Variants in S1PR5 observed in about 807,000 individuals in gnomAD.
The protein encoded by S1PR5 is sphingosine-1-phosphate receptor 5.
For missense variants in S1PR5, 583 were observed against 571.7 expected, an observed-to-expected ratio of 1.02 and a Z score of -0.20; for synonymous variants, 307 against 284.7, an observed-to-expected ratio of 1.08 and a Z score of -0.79.
chr19:10,513,897 C>T lies in S1PR5; in HGVS notation c.1115G>A (p.Gly372Glu), dbSNP rs1469373206. 1 of 1,610,524 alleles carries T rather than the reference C, an allele frequency of 6.2e-7. No homozygotes were observed. Among genetic ancestry groups the T allele is most frequent in the South Asian group, 1.1e-5 (1 of 90,944 alleles). ...GCCTGTGGAGCCGCTGGTGTCCAGC[C>T]CGTCGCGCTGGGGCGATGAGCGCTC... ...GSERSSPQRD[G>E]LDTSGSTGSP... The change falls in exon 2 of 2, where the codon GGG becomes GAG. Residue 372 changes from glycine (G) to glutamate (E), a missense_variant. Coordinates refer to ENST00000333430, the MANE Select transcript of S1PR5 (RefSeq NM_030760.5).
chr19:10,517,518 G>A, upstream of S1PR5: 11 of 985,594 alleles, frequency 1.1e-5, no homozygotes, highest in East Asian at 1.1e-4. Context: ...GCAAAGGGCC[G>A]GCGGTCGCCA....
At chr19:10,515,235 C>T (rs1484243005) in intron 1 of S1PR5, among the ~76,000 whole-genome samples, 1 of 152,004 alleles carries the variant, frequency 6.6e-6, no homozygotes, top group African/African-American at 2.4e-5. Context: ...GTGACATAGT[C>T]CCAAAAAAAG....
rs781376350 is a variant in S1PR5 at position 10,514,111 on chromosome 19, G to C, written c.901C>G (p.Leu301Val). ...FLGLAMANSL[L>V]NPIIYTLTNR... ...GTGAGCGTGTAGATGATGGGGTTCAGAAGTGAGTTGGCCATGGCCAGTCCC... is the reference window on the plus strand; with the variant it reads ...GTGAGCGTGTAGATGATGGGGTTCACAAGTGAGTTGGCCATGGCCAGTCCC... The change falls in exon 2 of 2, where the codon CTG becomes GTG. Residue 301 changes from leucine (L) to valine (V), a missense_variant. Transcript: ENST00000333430. 26 of 1,612,810 alleles carry C rather than the reference G, an allele frequency of 1.6e-5. No individual in the cohort carries two copies. Among genetic ancestry groups the C allele is most frequent in the Non-Finnish European group, 8.5e-7 (1 of 1,179,814 alleles).
chr19:10,514,671 C>G lies in S1PR5; in HGVS notation c.341G>C (p.Gly114Ala). The change falls in exon 2 of 2, where the codon GGC becomes GCC. Residue 114 changes from glycine to alanine, a missense_variant. Transcript: ENST00000333430. ...SPALWFAREG[G>A]VFVALTASVL... ...GGACGCAGTGAGTGCCACGAAGACG[C>G]CTCCCTCCCGTGCGAACCAGAGCGC... is the stretch of plus-strand genomic sequence containing the variant. 6.2e-7 allele frequency: 1 copy of G among 1,607,494 alleles called. No homozygotes were observed. The highest frequency in any genetic ancestry group is 1.1e-5 in the South Asian group (1 of 90,570).
Position 10,515,026 on chromosome 19 carries a change from A to G in S1PR5, c.-15T>C. The G allele has an allele frequency of 6.5e-7, 1 of 1,536,084 alleles. No individual in the cohort carries two copies. Among genetic ancestry groups the G allele is most frequent in the Non-Finnish European group, 8.7e-7 (1 of 1,148,558 alleles). ...CCCGACTCCATGGGCCGCGCGCCCC[A>G]AGGCTGTTGGAGAGGCAAGATACGG... On this transcript the variant is annotated 5_prime_UTR_variant, in exon 2 of 2. Coordinates refer to ENST00000333430, the MANE Select transcript of S1PR5 (RefSeq NM_030760.5).
chr19:10,514,577 G>A lies in S1PR5; in HGVS notation c.435C>T (p.Val145=). 6.3e-7 allele frequency: 1 copy of A among 1,576,878 alleles called. No individual in the cohort carries two copies. Among genetic ancestry groups the A allele is most frequent in the Non-Finnish European group, 8.6e-7 (1 of 1,163,150 alleles). Reference sequence around the variant, plus strand: ...TCGCCAGCGTGCGCCCCCGACTGGAGACGGGCGCGGGCCCCCTGCGCGCCA... The same window carrying A: ...TCGCCAGCGTGCGCCCCCGACTGGAAACGGGCGCGGGCCCCCTGCGCGCCA... ...LTMARRGPAP[V]SSRGRTLAMA... Residue 145 remains valine, a synonymous_variant, in exon 2 of 2, where the codon GTC becomes GTT. Transcript: ENST00000333430.
Position 10,514,768 on chromosome 19 carries a change from C to G in S1PR5, c.244G>C (p.Asp82His). 6.2e-7 allele frequency: 1 copy of G among 1,612,952 alleles called. No homozygotes were observed. Among genetic ancestry groups the G allele is most frequent in the East Asian group, 2.2e-5 (1 of 44,866 alleles). Residue 82 changes from aspartate to histidine, a missense_variant, in exon 2 of 2, where the codon GAT becomes CAT. By Grantham distance (81) the Asp-to-His change is moderately conservative. Transcript: ENST00000333430. ...FLLLGSLTLS[D>H]LLAGAAYAAN... ...GCGTAGGCGGCGCCTGCCAGCAGATCCGACAACGTGAGGCTGCCCAGGAGC... is the reference window on the plus strand; with the variant it reads ...GCGTAGGCGGCGCCTGCCAGCAGATGCGACAACGTGAGGCTGCCCAGGAGC...
At position 10,517,444 on chromosome 19, in the gene S1PR5, G is replaced by C. The variant is rs1385103076; in HGVS notation, c.-65C>G. On this transcript the variant is annotated 5_prime_UTR_variant, in exon 1 of 2. Coordinates refer to ENST00000333430, the MANE Select transcript of S1PR5 (RefSeq NM_030760.5). ...ACCCGCAGTCGCGCTGCCTTGAACC[G>C]AGTGAGCGGACGCCGCTCCGGGGGC... The C allele has an allele frequency of 3.0e-6, 3 of 985,524 alleles. No homozygotes were observed. Among genetic ancestry groups the C allele is most frequent in the Non-Finnish European group, 3.6e-6 (3 of 830,102 alleles). The allele number at this position is 985,524 out of a possible 1,614,324, so 61.0% of individuals were successfully genotyped here.
chr19:10,513,304 T>G lies in S1PR5; in HGVS notation c.*511A>C, dbSNP rs1255195374. On this transcript the variant is annotated 3_prime_UTR_variant, in exon 2 of 2. Transcript: ENST00000333430. ...CACTCAGAGCAAAAGCGAAGTCCTCTATATCACCCACAAGGTCCTTCGGGA... is the reference window on the plus strand; with the variant it reads ...CACTCAGAGCAAAAGCGAAGTCCTCGATATCACCCACAAGGTCCTTCGGGA... 2.3e-5 allele frequency: 7 copies of G among 309,282 alleles called. No homozygotes were observed. Among genetic ancestry groups the G allele is most frequent in the African/African-American group, 1.5e-4 (7 of 46,478 alleles). The allele number at this position is 309,282 out of a possible 1,614,324, so 19.2% of individuals were successfully genotyped here. A position where few individuals can be genotyped will look rare whatever the true frequency, so the allele number is the denominator to read the frequency against.
chr19:10,516,288 T>C (rs773060312), intron 1 of S1PR5, among the ~76,000 whole-genome samples: 9 of 151,888 alleles, frequency 5.9e-5, no homozygotes, highest in Non-Finnish European at 1.0e-4. Flanking sequence ...CAAAACCCCC[T>C]CATCCACCCA....
chr19:10,513,622 T>C lies in S1PR5; in HGVS notation c.*193A>G. The C allele has an allele frequency of 1.4e-6, 1 of 712,934 alleles. No homozygotes were observed. Among genetic ancestry groups the C allele is most frequent in the African/African-American group, 1.8e-5 (1 of 54,260 alleles). 44.2% of individuals were successfully genotyped at this position (712,934 alleles called of 1,614,324 possible). Reference sequence around the variant, plus strand: ...TTTCATCACCGAGTTCTTTTCTGTGTTCCCAAGCAGAACGTCAATTCCACG... The same window carrying C: ...TTTCATCACCGAGTTCTTTTCTGTGCTCCCAAGCAGAACGTCAATTCCACG... On this transcript the variant is annotated 3_prime_UTR_variant, in exon 2 of 2. Transcript: ENST00000333430.
Position 10,514,128 on chromosome 19 carries a change from G to A in S1PR5, c.884C>T (p.Ala295Val). The change falls in exon 2 of 2, where the codon GCC becomes GTC. Residue 295 changes from alanine to valine, a missense_variant. Transcript: ENST00000333430. Reference protein sequence around the residue: ...LLQADPFLGLAMANSLLNPII... With the variant: ...LLQADPFLGLVMANSLLNPII... ...GGGGTTCAGAAGTGAGTTGGCCATGGCCAGTCCCAGGAAGGGATCGGCCTG... is the reference window on the plus strand; with the variant it reads ...GGGGTTCAGAAGTGAGTTGGCCATGACCAGTCCCAGGAAGGGATCGGCCTG... The A allele has an allele frequency of 6.2e-7, 1 of 1,612,962 alleles. No homozygotes were observed.
At position 10,514,309 on chromosome 19, in the gene S1PR5, T is replaced by C. The variant is rs759168775; in HGVS notation, c.703A>G (p.Thr235Ala). The change falls in exon 2 of 2, where the codon ACC (threonine) becomes GCC (alanine). Residue 235 changes from threonine (T) to alanine (A), a missense_variant. By Grantham distance (58) the Thr-to-Ala change is moderately conservative. Transcript: ENST00000333430. The stretch of plus-strand genomic sequence containing the variant: ...TTGCGACGCGCCCGGGTCGAGGTGG[T>C]CCCCGCAGTCCCGGGCCGTGCCGGC... ...RLPARPGTAG[T>A]TSTRARRKPR... The C allele has an allele frequency of 2.7e-5, 43 of 1,565,172 alleles. No homozygotes were observed. The highest frequency in any genetic ancestry group is 1.5e-4 in the Admixed American group (8 of 51,670).
In S1PR5 at chr19:10,514,147, C is replaced by T. The variant is rs749799935; in HGVS notation, c.865G>A (p.Asp289Asn). Reference protein sequence around the residue: ...ARTCPVLLQADPFLGLAMANS... With the variant: ...ARTCPVLLQANPFLGLAMANS... ...GCCATGGCCAGTCCCAGGAAGGGAT[C>T]GGCCTGCAGGAGTACAGGACAGGTG... The change falls in exon 2 of 2, where the codon GAT (aspartate) becomes AAT (asparagine). Residue 289 changes from aspartate to asparagine, a missense_variant. Transcript: ENST00000333430. The T allele has an allele frequency of 1.9e-6, 3 of 1,612,894 alleles. No homozygotes were observed. Among genetic ancestry groups the T allele is most frequent in the South Asian group, 1.1e-5 (1 of 91,074 alleles).
chr19:10,515,063 G>A (rs908129604), intron 1 of S1PR5, 34 bp from the exon 2 acceptor site: 18 of 1,509,576 alleles, frequency 1.2e-5, no homozygotes, highest in African/African-American at 1.4e-5. Flanking sequence ...GTCAGGCCGC[G>A]GTCCCCGTAA....
chr19:10,516,558 G>T (rs1915442085), intron 1 of S1PR5, among the ~76,000 whole-genome samples: 1 of 141,022 alleles, frequency 7.1e-6, no homozygotes, highest in Non-Finnish European at 1.5e-5. Flanking sequence ...AGTGAGCCAT[G>T]ATCGCACCCC....
In S1PR5 at chr19:10,514,280, C is replaced by A. The variant is rs1432948405; in HGVS notation, c.732G>T (p.Pro244=). Residue 244 remains proline (P), a synonymous_variant, in exon 2 of 2, where the codon CCG becomes CCT. Coordinates refer to ENST00000333430, the MANE Select transcript of S1PR5 (RefSeq NM_030760.5). ...GTTSTRARRK[P]RSLALLRTLS... is the part of the protein sequence containing the mutation. ...GCGTGCGCAGCAAGGCCAGCGAGCG[C>A]GGCTTGCGACGCGCCCGGGTCGAGG... 1 of 1,574,392 alleles carries A rather than the reference C, an allele frequency of 6.4e-7. No individual in the cohort carries two copies.
chr19:10,514,308 G>C lies in S1PR5; in HGVS notation c.704C>G (p.Thr235Ser). 6.4e-7 allele frequency: 1 copy of C among 1,565,488 alleles called. No individual in the cohort carries two copies. Among genetic ancestry groups the C allele is most frequent in the Non-Finnish European group, 8.7e-7 (1 of 1,155,932 alleles). The change falls in exon 2 of 2, where the codon ACC becomes AGC. Residue 235 changes from threonine (T) to serine (S), a missense_variant. By Grantham distance (58) the Thr-to-Ser change is moderately conservative (BLOSUM62 1). Transcript: ENST00000333430. The part of the protein sequence containing the change: ...RLPARPGTAG[T>S]TSTRARRKPR... The stretch of plus-strand genomic sequence containing the variant: ...CTTGCGACGCGCCCGGGTCGAGGTG[G>C]TCCCCGCAGTCCCGGGCCGTGCCGG...
At position 10,513,885 on chromosome 19, in the gene S1PR5, C is replaced by A; in HGVS notation, c.1127G>T (p.Ser376Ile). Reference protein sequence around the residue: ...SSPQRDGLDTSGSTGSPGAPT... With the variant: ...SSPQRDGLDTIGSTGSPGAPT... ...TGCACCGGGGCTGCCTGTGGAGCCG[C>A]TGGTGTCCAGCCCGTCGCGCTGGGG... Residue 376 changes from serine (S) to isoleucine (I), a missense_variant, in exon 2 of 2, where the codon AGC becomes ATC. By Grantham distance (142) the Ser-to-Ile change is moderately radical. Transcript: ENST00000333430. 1 of 1,611,454 alleles carries A rather than the reference C, an allele frequency of 6.2e-7. No homozygotes were observed. Among genetic ancestry groups the A allele is most frequent in the Non-Finnish European group, 8.5e-7 (1 of 1,179,638 alleles).
Sources: gnomAD v4.1 joint callset for allele counts (sites outside exome capture counted in the v4.1 genomes callset) on GRCh38, gnomAD v4.1.1 for gene constraint, MANE v1.5 for transcripts, NCBI Gene and HGNC (gene_info 2026-07-23, HGNC 2026-07-21) for gene names.